The following XRCC5 variants were observed in gnomAD, a reference collection of about 807,000 sequenced individuals.
XRCC5 encodes X-ray repair cross complementing 5.
XRCC5 carries 12 observed loss-of-function variants against 95.7 expected under a neutral mutation model. The ratio of observed to expected loss-of-function variants is 0.13; its 90% CI spans 0.08 to 0.20. The LOEUF is 0.20. Ranked by LOEUF, XRCC5 falls within the 10% of genes least tolerant of loss-of-function variation. XRCC5 has a pLI of 1.00. For missense variants in XRCC5, 595 were observed against 873.9 expected (o/e 0.68, Z 4.02); for synonymous variants, 281 against 290.3 (o/e 0.97, Z 0.33).
At chr2:216,138,324 T>A in intron 12 of XRCC5, 145 bp downstream of exon 12, 1 of 715,900 alleles carries the variant, frequency 1.4e-6, no homozygotes, top group Non-Finnish European at 2.4e-6. Context: ...ACAGTAATGA[T>A]GAAGGTGGTT....
chr2:216,196,516 G>A (rs1689724000), intron 19 of XRCC5, among the ~76,000 whole-genome samples: 1 of 152,140 alleles, frequency 6.6e-6, no homozygotes, highest in Admixed American at 6.5e-5. Context: ...GTGTGTCTGT[G>A]TGTGTGTATG....
At chr2:216,179,620 G>C (rs1689344707) in intron 16 of XRCC5, among the ~76,000 whole-genome samples, 1 of 152,188 alleles carries the variant, frequency 6.6e-6, no homozygotes, top group Non-Finnish European at 1.5e-5. Flanking sequence ...GGAGAGCTTT[G>C]CAGACAGAGG....
Position 216,192,668 on chromosome 2 carries a change from C to T in XRCC5, c.1974C>T (p.Phe658=), listed in dbSNP as rs1468891670. 1 of 1,599,838 alleles carries T rather than the reference C, an allele frequency of 6.3e-7. No individual in the cohort carries two copies. The change falls in exon 18 of 21, where the codon TTC becomes TTT. Residue 658 remains phenylalanine (F), a synonymous_variant. Coordinates refer to ENST00000392132, the MANE Select transcript of XRCC5 (RefSeq NM_021141.4). ...KFSEEQRFNN[F]LKALQEKVEI... ...CAGAAGAGCAGCGCTTTAACAACTT[C>T]CTGAAAGCCCTTCAAGAGAAAGTGG...
chr2:216,198,557 A>C (rs1225755575), intron 19 of XRCC5, among the ~76,000 whole-genome samples: 3 of 151,134 alleles, frequency 2.0e-5, no homozygotes, highest in Non-Finnish European at 4.4e-5. Context: ...TTATTTATTT[A>C]TTTATTTATT....
chr2:216,153,158 C>G (rs1055484807), intron 14 of XRCC5, among the ~76,000 whole-genome samples: 1 of 152,200 alleles, frequency 6.6e-6, no homozygotes, highest in Non-Finnish European at 1.5e-5. Context: ...ATCCTTGAAA[C>G]TCATCTTTCA....
At chr2:216,192,585 G>C in intron 17 of XRCC5, 54 bp from the exon 18 acceptor site, 5 of 1,309,434 alleles carry the variant, frequency 3.8e-6, no homozygotes, top group Non-Finnish European at 5.2e-6. Context: ...GGGTGAATTT[G>C]TTTTTGTGTT....
At chr2:216,201,942 A>G (rs954742777) in intron 19 of XRCC5, among the ~76,000 whole-genome samples, 2 of 152,242 alleles carry the variant, frequency 1.3e-5, no homozygotes, top group African/African-American at 4.8e-5. Context: ...CTTACACAGA[A>G]ATGTGAAGCA....
chr2:216,114,776 A>G (rs1230708934), intron 2 of XRCC5, among the ~76,000 whole-genome samples: 1 of 152,166 alleles, frequency 6.6e-6, no homozygotes. Context: ...TGCGCAGTAA[A>G]AGAGCAAGAT....
At chr2:216,173,874 A>G (rs1193082117) in intron 16 of XRCC5, among the ~76,000 whole-genome samples, 2 of 152,218 alleles carry the variant, frequency 1.3e-5, no homozygotes, top group South Asian at 4.1e-4. Context: ...CCCAGCCTCC[A>G]GAACTGTGAG....
chr2:216,142,447 G>C (rs1001087315), intron 13 of XRCC5, among the ~76,000 whole-genome samples: 3 of 152,148 alleles, frequency 2.0e-5, no homozygotes, highest in Non-Finnish European at 4.4e-5. Context: ...GCAGAGATTG[G>C]ATTAAGGTAA....
intron 2 of XRCC5, among the ~76,000 whole-genome samples, chr2:216,115,050 T>C (rs1696665724): frequency 6.6e-6 from 1 of 152,210 alleles, no homozygotes; most frequent in South Asian, 2.1e-4. Context: ...CGCAGGGCAC[T>C]TGATTTTTCA....
chr2:216,130,330 AAG>A (rs1314283116), intron 8 of XRCC5, among the ~76,000 whole-genome samples: 4 of 151,970 alleles, frequency 2.6e-5, no homozygotes, highest in Admixed American at 2.6e-4. Context: ...CCAGAAATAA[AAG>A]AAATTTAAAT....
intron 7 of XRCC5, among the ~76,000 whole-genome samples, chr2:216,127,272 A>G (rs563623762): frequency 2.0e-5 from 3 of 152,280 alleles, no homozygotes; most frequent in Admixed American, 1.3e-4. Flanking sequence ...AAAATATTAG[A>G]CAGTCTGAGG....
At chr2:216,111,351 A>C (rs1177205575) in intron 1 of XRCC5, 4 of 446,680 alleles carry the variant, frequency 9.0e-6, no homozygotes, top group Non-Finnish European at 1.3e-5. Flanking sequence ...GTGAGACCCC[A>C]ACTCTACAAA....
In XRCC5 at chr2:216,172,464, C is replaced by CTTTCCTTTTTTT. The variant is rs1258491985; in HGVS notation, c.1834+10419_1834+10420insCCTTTTTTTTTT. On this transcript the variant is annotated intron_variant, in intron 16 of 20. Coordinates refer to ENST00000392132, the MANE Select transcript of XRCC5 (RefSeq NM_021141.4). ...CATGGAAACTTTAGCATCAGCTTTT[C>CTTTCCTTTTTTT]TTTTCTTTTTTTTTTTTTTTTTGAG... 1.8e-3 allele frequency among the ~76,000 whole-genome samples: 126 copies of CTTTCCTTTTTTT among 70,236 alleles called. 1 individual carries two copies. Among genetic ancestry groups the CTTTCCTTTTTTT allele is most frequent in the African/African-American group, 7.9e-3 (121 of 15,342 alleles). 46.1% of individuals were successfully genotyped at this position (70,236 alleles called of 152,430 possible). A position where few individuals can be genotyped will look rare whatever the true frequency, so the allele number is the denominator to read the frequency against.
chr2:216,138,827 C>T (rs1220277593), intron 12 of XRCC5, among the ~76,000 whole-genome samples: 5 of 152,098 alleles, frequency 3.3e-5, no homozygotes, highest in African/African-American at 1.2e-4. Context: ...AAAAGAACAA[C>T]AAATGATGAG....
Position 216,122,175 on chromosome 2 carries a change from A to G in XRCC5, c.605A>G (p.Lys202Arg). Residue 202 changes from lysine (K) to arginine (R), a missense_variant, in exon 6 of 21, where the codon AAA (lysine) becomes AGA (arginine). Around this residue, in one of 2 missense-constraint regions of XRCC5, gnomAD observed 286 missense variants for 491.1 expected, o/e 0.58. Coordinates refer to ENST00000392132, the MANE Select transcript of XRCC5 (RefSeq NM_021141.4). ...FPLKGITEQQ[K>R]EGLEIVKMVM... ...CTAAAAGGAATTACCGAACAGCAAA[A>G]AGAAGGTCTTGAGATAGTGAAAATG... 6.2e-7 allele frequency: 1 copy of G among 1,614,188 alleles called. No homozygotes were observed. Among genetic ancestry groups the G allele is most frequent in the South Asian group, 1.1e-5 (1 of 91,090 alleles).
chr2:216,149,820 G>A (rs1405145543), intron 14 of XRCC5, among the ~76,000 whole-genome samples: 4 of 152,134 alleles, frequency 2.6e-5, no homozygotes, highest in African/African-American at 9.7e-5. Flanking sequence ...TCTTCTGGAA[G>A]CTTGGGTGTG....
At chr2:216,188,455 A>G (rs989232576) in intron 16 of XRCC5, among the ~76,000 whole-genome samples, 4 of 152,232 alleles carry the variant, frequency 2.6e-5, no homozygotes, top group Non-Finnish European at 4.4e-5. Flanking sequence ...TAGTTGCACA[A>G]TAAGTATATA....
Sources: allele counts gnomAD v4.1 joint callset (sites outside exome capture counted in the v4.1 genomes callset), GRCh38; gene constraint gnomAD v4.1.1; regional missense constraint gnomAD v4.1.1; transcripts MANE v1.5; gene names NCBI Gene and HGNC (gene_info 2026-07-23, HGNC 2026-07-21).